The following IMMP2L variants were observed in gnomAD, a reference collection of about 807,000 sequenced individuals.
IMMP2L encodes the protein inner mitochondrial membrane peptidase subunit 2.
IMMP2L carries 18 observed loss-of-function variants against 19.3 expected under a neutral mutation model. The ratio of observed to expected loss-of-function variants is 0.93; its 90% confidence interval spans 0.64 to 1.38. The LOEUF (loss-of-function observed/expected upper bound fraction) is 1.38. IMMP2L is among the 40% of genes most tolerant of loss of function. The probability of loss-of-function intolerance (pLI) is 0.00; values close to 1 mark genes in which losing one functional copy is unlikely to be tolerated. For missense variants in IMMP2L, 233 were observed against 218.2 expected, an observed-to-expected ratio of 1.07 and a Z score of -0.43; for synonymous variants, 76 against 73.0, an observed-to-expected ratio of 1.04 and a Z score of -0.21.
At chr7:111,005,967 G>GTTTT (rs34140423) in intron 3 of IMMP2L, among the ~76,000 whole-genome samples, 1 of 149,476 alleles carries the variant, frequency 6.7e-6, no homozygotes, top group Non-Finnish European at 1.5e-5. Flanking sequence ...GAAAGGCCAG[G>GTTTT]TTTTTTTTTT....
At chr7:111,518,768 T>C (rs1397681677) in intron 2 of IMMP2L, among the ~76,000 whole-genome samples, 3 of 152,148 alleles carry the variant, frequency 2.0e-5, no homozygotes, top group Non-Finnish European at 4.4e-5. Flanking sequence ...AATTATCTAT[T>C]ATACCTAGAG....
chr7:111,194,658 T>C (rs757764920), intron 3 of IMMP2L, among the ~76,000 whole-genome samples: 4 of 152,154 alleles, frequency 2.6e-5, no homozygotes, highest in Non-Finnish European at 5.9e-5. Context: ...CAAATATATA[T>C]GGAGCTGATA....
intron 3 of IMMP2L, among the ~76,000 whole-genome samples, chr7:111,283,713 T>C: frequency 6.6e-6 from 1 of 152,044 alleles, no homozygotes; most frequent in East Asian, 1.9e-4. Context: ...GGCTCACGCC[T>C]GTAATCCCAG....
intron 3 of IMMP2L, chr7:111,091,447 G>T (rs1435257558): frequency 6.6e-6 from 1 of 152,194 alleles, no homozygotes; most frequent in Non-Finnish European, 1.5e-5. Flanking sequence ...CCAAGGAACT[G>T]AGGAATCCAG....
At chr7:111,126,641 G>A (rs1801340925) in intron 3 of IMMP2L, among the ~76,000 whole-genome samples, 1 of 151,814 alleles carries the variant, frequency 6.6e-6, no homozygotes, top group Non-Finnish European at 1.5e-5. Flanking sequence ...CTTATATAGG[G>A]AATATACGGA....
At chr7:110,980,141 C>T (rs2129557858) in intron 3 of IMMP2L, among the ~76,000 whole-genome samples, 1 of 151,076 alleles carries the variant, frequency 6.6e-6, no homozygotes, top group Admixed American at 6.6e-5. Context: ...TTCATGAAAC[C>T]GTCCTTTGCT....
intron 4 of IMMP2L, among the ~76,000 whole-genome samples, chr7:110,960,466 T>G (rs1249113021): frequency 6.6e-6 from 1 of 152,024 alleles, no homozygotes; most frequent in East Asian, 1.9e-4. Flanking sequence ...TATGTGGTCT[T>G]CTGTGACTGG....
At chr7:111,488,577 C>T (rs112212753) in intron 2 of IMMP2L, among the ~76,000 whole-genome samples, 3,168 of 152,232 alleles carry the variant, frequency 0.021, 113 homozygotes, top group African/African-American at 0.072. Flanking sequence ...CACTCGTTGA[C>T]TGATGGGCAT....
chr7:111,300,389 A>T (rs1054220328), intron 3 of IMMP2L, among the ~76,000 whole-genome samples: 1 of 152,082 alleles, frequency 6.6e-6, no homozygotes, highest in Non-Finnish European at 1.5e-5. Flanking sequence ...TCTTTAATTA[A>T]ATTTTTTTTA....
At chr7:111,062,458 G>A (rs1254549663) in intron 3 of IMMP2L, among the ~76,000 whole-genome samples, 1 of 152,104 alleles carries the variant, frequency 6.6e-6, no homozygotes, top group Admixed American at 6.6e-5. Flanking sequence ...CAACTGTATT[G>A]TTCTGCCCCT....
At position 110,758,372 on chromosome 7, in the gene IMMP2L, C is replaced by T. The variant is rs1012277359; in HGVS notation, c.409-94651G>A. On this transcript the variant is annotated intron_variant, in intron 5 of 5. Transcript: ENST00000405709. This position sits in a 1 kb window ranked among gnomAD's most constrained non-coding sequence, Gnocchi z 4.6. ...GTCACTGGAGGCAGAAGCAGAGAGA[C>T]AGAGATTTTAAAAAATATATAGGAT... is the stretch of plus-strand genomic sequence containing the variant. Among the ~76,000 whole-genome samples, 1 of 151,918 alleles carries T rather than the reference C, an allele frequency of 6.6e-6. No individual in the cohort carries two copies. Among genetic ancestry groups the T allele is most frequent in the Non-Finnish European group, 1.5e-5 (1 of 67,974 alleles).
At chr7:111,037,059 G>A (rs1791424681) in intron 3 of IMMP2L, among the ~76,000 whole-genome samples, 1 of 152,292 alleles carries the variant, frequency 6.6e-6, no homozygotes, top group East Asian at 1.9e-4. Context: ...TAACACTGCT[G>A]TATAGGATCA....
At chr7:111,408,807 C>T (rs1834120596) in intron 3 of IMMP2L, among the ~76,000 whole-genome samples, 1 of 151,478 alleles carries the variant, frequency 6.6e-6, no homozygotes, top group African/African-American at 2.4e-5. Flanking sequence ...ATCAGCAAGC[C>T]TGACATTTAG....
At chr7:111,448,019 A>G (rs918997967) in intron 3 of IMMP2L, among the ~76,000 whole-genome samples, 3 of 144,386 alleles carry the variant, frequency 2.1e-5, no homozygotes, top group East Asian at 2.0e-4. Context: ...TATCCTAAAT[A>G]TATATGCACC....
At chr7:110,936,913 C>G (rs1184457078) in intron 4 of IMMP2L, among the ~76,000 whole-genome samples, 1 of 152,080 alleles carries the variant, frequency 6.6e-6, no homozygotes, top group Non-Finnish European at 1.5e-5. Context: ...ATGGATGAAG[C>G]TGGATACCAT....
intron 1 of IMMP2L, among the ~76,000 whole-genome samples, chr7:111,559,372 C>T (rs767360426): frequency 2.6e-5 from 4 of 152,042 alleles, no homozygotes; most frequent in Non-Finnish European, 2.9e-5. Flanking sequence ...AAGACATTTC[C>T]AAAATGGAAA....
intron 3 of IMMP2L, among the ~76,000 whole-genome samples, chr7:111,057,349 G>A (rs986920137): frequency 2.6e-5 from 4 of 151,766 alleles, no homozygotes; most frequent in African/African-American, 4.8e-5. Flanking sequence ...AAAAGAAGAC[G>A]ATACTAAGTT....
rs1169450523 is a variant in IMMP2L at position 111,214,331 on chromosome 7, C to CTTTTTTTTTT, written c.240-250776_240-250767dup. ...AATGAATGACAAAGTAATTTTTCTT[C>CTTTTTTTTTT]TTTTTTTTTTTTTTTTTTTTTTTTT... is the stretch of plus-strand genomic sequence containing the variant. On this transcript the variant is annotated intron_variant, in intron 3 of 5. Coordinates refer to ENST00000405709, the MANE Select transcript of IMMP2L (RefSeq NM_032549.4). 8.5e-5 allele frequency among the ~76,000 whole-genome samples: 7 copies of CTTTTTTTTTT among 82,190 alleles called. 1 individual carries two copies. Among genetic ancestry groups the CTTTTTTTTTT allele is most frequent in the African/African-American group, 3.7e-4 (7 of 18,842 alleles). The allele number at this position is 82,190 out of a possible 152,430, so 53.9% of individuals were successfully genotyped here.
chr7:111,182,438 A>C (rs536685101), intron 3 of IMMP2L, among the ~76,000 whole-genome samples: 1 of 151,962 alleles, frequency 6.6e-6, no homozygotes, highest in South Asian at 2.1e-4. Context: ...CGAAAACTCC[A>C]TGATGCATTC....
Sources: allele counts gnomAD v4.1 joint callset (sites outside exome capture counted in the v4.1 genomes callset), GRCh38; gene constraint gnomAD v4.1.1; non-coding constraint Gnocchi (gnomAD v3.1); transcripts MANE v1.5; gene names NCBI Gene and HGNC (gene_info 2026-07-23, HGNC 2026-07-21).